Variants in ZNF169 observed in about 807,000 individuals in gnomAD.
The protein encoded by ZNF169 is zinc finger protein 169.
A neutral mutation model predicts 12.0 loss-of-function variants in ZNF169; 11 were observed. The observed-to-expected ratio is 0.92, with a 90% CI of 0.58 to 1.52. The LOEUF (loss-of-function observed/expected upper bound fraction) is 1.52. Ranked by LOEUF, ZNF169 falls within the 40% of genes most tolerant of loss-of-function variation. ZNF169 has a pLI of 0.00. For synonymous variants in ZNF169, 302 were observed against 286.5 expected, an observed-to-expected ratio of 1.05 and a Z score of -0.55; for missense variants, 722 against 744.0, an observed-to-expected ratio of 0.97 and a Z score of 0.34.
intron 1 of ZNF169, among the ~76,000 whole-genome samples, chr9:94,277,947 A>G (rs977009992): frequency 9.6e-5 from 14 of 146,144 alleles, no homozygotes; most frequent in Admixed American, 3.0e-4. Flanking sequence ...AAAAAAGAAA[A>G]AAGAAAAATC....
Position 94,287,689 on chromosome 9 carries a change from C to T in ZNF169, c.34-4652C>T, listed in dbSNP as rs1468986365. On this transcript the variant is annotated intron_variant, in intron 2 of 4. Coordinates refer to ENST00000395395, the MANE Select transcript of ZNF169 (RefSeq NM_194320.4). ...AAAAATAGTTTAAAATTAAACAATA[C>T]GGTGTTCATTTATGCTTGAAATTCT... The T allele has an allele frequency of 6.1e-5, 65 of 1,066,636 alleles. No homozygotes were observed. The South Asian group carries it at 6.1e-4, about 10-fold the overall frequency. 66.1% of individuals were successfully genotyped at this position (1,066,636 alleles called of 1,614,324 possible). A position where few individuals can be genotyped will look rare whatever the true frequency, so the allele number is the denominator to read the frequency against.
chr9:94,297,658 A>G (rs1325224717), intron 4 of ZNF169, among the ~76,000 whole-genome samples: 1 of 152,256 alleles, frequency 6.6e-6, no homozygotes, highest in Non-Finnish European at 1.5e-5. Flanking sequence ...AATAAGAAAT[A>G]CGTATTTTGT....
At position 94,301,173 on chromosome 9, in the gene ZNF169, G is replaced by A. The variant is rs777652026; in HGVS notation, c.1615G>A (p.Glu539Lys). The A allele has an allele frequency of 6.2e-7, 1 of 1,614,256 alleles. No homozygotes were observed. Among genetic ancestry groups the A allele is most frequent in the Non-Finnish European group, 8.5e-7 (1 of 1,180,058 alleles). ...CTCTGACCAAAGGACACACTCAGGA[G>A]AGAAGCCCTGCATTTGCGATGAATG... ...LISDQRTHSG[E>K]KPCICDECGR... Residue 539 changes from glutamate (E) to lysine (K), a missense_variant, in exon 5 of 5, where the codon GAG becomes AAG. By Grantham distance (56) the Glu-to-Lys change is moderately conservative. Coordinates refer to ENST00000395395, the MANE Select transcript of ZNF169 (RefSeq NM_194320.4).
At chr9:94,279,346 G>A (rs956921531) in intron 2 of ZNF169, among the ~76,000 whole-genome samples, 19 of 151,768 alleles carry the variant, frequency 1.3e-4, no homozygotes, top group Admixed American at 5.3e-4. Context: ...AGCTGAGATC[G>A]CGCCACTGCA....
chr9:94,301,000 CA>C lies in ZNF169; in HGVS notation c.1443del (p.Glu483ArgfsTer33), dbSNP rs1564095303. 1.2e-6 allele frequency: 2 copies of C among 1,614,016 alleles called. No individual in the cohort carries two copies. The highest frequency in any genetic ancestry group is 2.7e-5 in the African/African-American group (2 of 74,892). On this transcript the variant is annotated frameshift_variant, in exon 5 of 5. Coordinates refer to ENST00000395395, the MANE Select transcript of ZNF169 (RefSeq NM_194320.4). LOFTEE classifies it low-confidence loss of function (END_TRUNC). ...VTLIRHQRTH[T>X]GEKPYLCPKC... is the part of the protein sequence containing the mutation. ...CTCATCAGACACCAGAGGACACACA[CA>C]GGGGAGAAGCCTTATCTGTGCCCCA...
chr9:94,271,461 C>T (rs138743366), intron 1 of ZNF169, among the ~76,000 whole-genome samples: 13,689 of 152,076 alleles, frequency 0.09, 1,095 homozygotes, highest in East Asian at 0.37. Flanking sequence ...GTGGCTCACG[C>T]CTGTAATCCC....
intron 2 of ZNF169, chr9:94,288,387 C>T (rs570768824): frequency 1.3e-5 from 16 of 1,245,840 alleles, no homozygotes; most frequent in East Asian, 2.4e-5. Flanking sequence ...CCAGACTGCC[C>T]GTCACTTTGG....
chr9:94,290,235 G>A (rs936231267), intron 2 of ZNF169, among the ~76,000 whole-genome samples: 1 of 152,146 alleles, frequency 6.6e-6, no homozygotes, highest in South Asian at 2.1e-4. Context: ...AAAATCTGCA[G>A]CTAACATTCT....
At chr9:94,271,144 A>G (rs1830414795) in intron 1 of ZNF169, among the ~76,000 whole-genome samples, 1 of 148,732 alleles carries the variant, frequency 6.7e-6, no homozygotes, top group South Asian at 2.1e-4. Flanking sequence ...TGCCTAGGCC[A>G]GAATGCAGTA....
At chr9:94,299,493 A>G in intron 4 of ZNF169, 1 of 1,265,760 alleles carries the variant, frequency 7.9e-7, no homozygotes, top group Non-Finnish European at 1.0e-6. Context: ...CAGGCCGAAC[A>G]AATGTTTCTC....
At chr9:94,264,041 C>T (rs1469469768) in intron 1 of ZNF169, among the ~76,000 whole-genome samples, 1 of 152,114 alleles carries the variant, frequency 6.6e-6, no homozygotes, top group Non-Finnish European at 1.5e-5. Flanking sequence ...TTGTACCTAC[C>T]TACTCCGTCA....
intron 1 of ZNF169, among the ~76,000 whole-genome samples, chr9:94,277,757 C>G (rs1464370529): frequency 1.3e-5 from 2 of 151,714 alleles, no homozygotes; most frequent in Non-Finnish European, 2.9e-5. Flanking sequence ...CAGTGAAACC[C>G]CGTCTCTACT....
intron 1 of ZNF169, among the ~76,000 whole-genome samples, chr9:94,265,369 C>T (rs968271639): frequency 6.6e-6 from 1 of 152,038 alleles, no homozygotes; most frequent in Non-Finnish European, 1.5e-5. Flanking sequence ...CACTTGAGGT[C>T]AGGAGTTCGA....
chr9:94,301,567 T>G lies in ZNF169; in HGVS notation c.*197T>G, dbSNP rs1461477674. The stretch of plus-strand genomic sequence containing the variant: ...TAACAAAGTACCCCAGGCTGGGTGA[T>G]TTTGACAACGGAAATATATTTTCAT... On this transcript the variant is annotated 3_prime_UTR_variant, in exon 5 of 5. Coordinates refer to ENST00000395395, the MANE Select transcript of ZNF169 (RefSeq NM_194320.4). The G allele has an allele frequency of 1.0e-5, 10 of 966,400 alleles. No individual in the cohort carries two copies. In the Admixed American group the frequency reaches 3.0e-4, roughly 29 times the overall value. 59.9% of individuals were successfully genotyped at this position (966,400 alleles called of 1,614,324 possible).
At chr9:94,276,695 T>C (rs774078004) in intron 1 of ZNF169, among the ~76,000 whole-genome samples, 15 of 152,228 alleles carry the variant, frequency 9.9e-5, no homozygotes, top group Non-Finnish European at 2.1e-4. Context: ...GGCCGATTGG[T>C]GTCTCTTTAA....
In ZNF169 at chr9:94,300,162, A is replaced by T; in HGVS notation, c.604A>T (p.Lys202Ter). The change falls in exon 5 of 5, where the codon AAG becomes TAG. Residue 202 changes from lysine (K) to a stop codon, truncating the protein, a stop_gained. Transcript: ENST00000395395. LOFTEE classifies it low-confidence loss of function (END_TRUNC). ...TCTTGGGGGGTCAGACACAATGTTG[A>T]AGGGAGCAGACACTTCAGAATCTGG... ...MSLGGSDTML[K>*]GADTSESGAV... 6.2e-7 allele frequency: 1 copy of T among 1,614,144 alleles called. No individual in the cohort carries two copies. The highest frequency in any genetic ancestry group is 1.1e-5 in the South Asian group (1 of 91,082).
At position 94,265,091 on chromosome 9, in the gene ZNF169, A is replaced by G. The variant is rs1002517551; in HGVS notation, c.-56+5746A>G. 6.2e-5 allele frequency among the ~76,000 whole-genome samples: 9 copies of G among 145,750 alleles called. No homozygotes were observed. In the Admixed American group the frequency reaches 6.3e-4, roughly 10 times the overall value. The stretch of plus-strand genomic sequence containing the variant: ...TTGCCAGATCATAGGTATGTTTAAC[A>G]TTAAAAAAAACCTGCCATACAGTCT... On this transcript the variant is annotated intron_variant, in intron 1 of 4. Transcript: ENST00000395395.
In ZNF169 at chr9:94,300,305, TATC is replaced by T; in HGVS notation, c.749_751del (p.Ile250del). ...GAGGCTTTTGCCAGAGATCAGACCT[TATC>T]AAGCACCAGAGGACACACACCGGGG... is the stretch of plus-strand genomic sequence containing the variant. On this transcript the variant is annotated inframe_deletion, in exon 5 of 5. Coordinates refer to ENST00000395395, the MANE Select transcript of ZNF169 (RefSeq NM_194320.4). The T allele has an allele frequency of 6.2e-7, 1 of 1,613,920 alleles. No individual in the cohort carries two copies. Among genetic ancestry groups the T allele is most frequent in the Non-Finnish European group, 8.5e-7 (1 of 1,179,976 alleles).
intron 2 of ZNF169, among the ~76,000 whole-genome samples, chr9:94,287,100 T>C (rs1830732108): frequency 6.6e-6 from 1 of 152,162 alleles, no homozygotes; most frequent in Non-Finnish European, 1.5e-5. Flanking sequence ...TATCTACATA[T>C]TATCAGCTTC....
Sources: allele counts gnomAD v4.1 joint callset (sites outside exome capture counted in the v4.1 genomes callset), GRCh38; gene constraint gnomAD v4.1.1; transcripts MANE v1.5; gene names NCBI Gene and HGNC (gene_info 2026-07-23, HGNC 2026-07-21).